Variants in TMIGD3 observed in about 807,000 individuals in gnomAD.
TMIGD3 encodes transmembrane and immunoglobulin domain containing 3.
Under a neutral mutation model 28.1 loss-of-function variants are expected in TMIGD3, and 21 were observed. The observed-to-expected ratio is 0.75, with a 90% CI of 0.53 to 1.08. The LOEUF (loss-of-function observed/expected upper bound fraction) is 1.08. Among genes scored for constraint, TMIGD3 ranks in the 50% least tolerant of loss-of-function variants. The pLI, the probability that TMIGD3 is intolerant of heterozygous loss-of-function variation, is 0.00. For missense variants in TMIGD3, 416 were observed against 435.6 expected (o/e 0.96, Z 0.40); for synonymous variants, 151 against 162.1 (o/e 0.93, Z 0.52).
chr1:111,487,664 G>A (rs993261407), intron 3 of TMIGD3, among the ~76,000 whole-genome samples: 2 of 152,164 alleles, frequency 1.3e-5, no homozygotes, highest in African/African-American at 4.8e-5. Context: ...GCCAAGAGTT[G>A]TAATTTGTTA....
intron 1 of TMIGD3, among the ~76,000 whole-genome samples, chr1:111,511,674 T>TACACAC (rs72064023): frequency 1.1e-3 from 164 of 148,916 alleles, no homozygotes; most frequent in Non-Finnish European, 1.5e-3. Flanking sequence ...TGGTGCCCTT[T>TACACAC]ACACACACAC....
intron 1 of TMIGD3, among the ~76,000 whole-genome samples, chr1:111,554,165 T>TTCTAGAAC (rs1657385330): frequency 6.6e-6 from 1 of 152,204 alleles, no homozygotes; most frequent in Admixed American, 6.5e-5. Flanking sequence ...TAGAAATAAT[T>TTCTAGAAC]ATAATGATAA....
intron 1 of TMIGD3, among the ~76,000 whole-genome samples, chr1:111,545,860 C>A (rs376275972): frequency 6.6e-6 from 1 of 152,076 alleles, no homozygotes; most frequent in Non-Finnish European, 1.5e-5. Flanking sequence ...TGTCCCAGCA[C>A]CATTTGTTGA....
In TMIGD3 at chr1:111,485,857, C is replaced by G. The variant is rs749853310; in HGVS notation, c.873-17G>C. The G allele has an allele frequency of 6.9e-6, 11 of 1,586,298 alleles. No homozygotes were observed. The highest frequency in any genetic ancestry group is 9.5e-6 in the Non-Finnish European group (11 of 1,162,206). ...ATGGACGTCCTAGAAGGAACCACAG[C>G]AGATTTCATGTTGCTTGGAAGAAAC... is the stretch of plus-strand genomic sequence containing the variant. On this transcript the variant is annotated splice_polypyrimidine_tract_variant and intron_variant, in intron 4 of 5. Coordinates refer to ENST00000369716, the MANE Select transcript of TMIGD3 (RefSeq NM_020683.7).
At chr1:111,515,566 T>C (rs1312603130) in intron 1 of TMIGD3, among the ~76,000 whole-genome samples, 1 of 152,192 alleles carries the variant, frequency 6.6e-6, no homozygotes, top group Non-Finnish European at 1.5e-5. Context: ...CCAGAGGCGA[T>C]GAGCACCGGG....
At chr1:111,526,838 C>T (rs1208564942) in intron 1 of TMIGD3, among the ~76,000 whole-genome samples, 1 of 152,168 alleles carries the variant, frequency 6.6e-6, no homozygotes, top group Non-Finnish European at 1.5e-5. Context: ...TTTCATCCCT[C>T]CCTGCCCACC....
intron 5 of TMIGD3, among the ~76,000 whole-genome samples, chr1:111,484,332 C>T (rs1361135): frequency 0.58 from 88,641 of 151,690 alleles, 25,805 homozygotes; most frequent in Middle Eastern, 0.68. Context: ...GTTGAACTAA[C>T]GAATAAAAAT....
At chr1:111,500,653 G>T in intron 1 of TMIGD3, 1 of 1,165,694 alleles carries the variant, frequency 8.6e-7, no homozygotes, top group Non-Finnish European at 1.2e-6. Flanking sequence ...GTGAGATAAG[G>T]CATATACTCT....
At chr1:111,530,609 TTTTC>T (rs1421171278) in intron 1 of TMIGD3, among the ~76,000 whole-genome samples, 1 of 152,114 alleles carries the variant, frequency 6.6e-6, no homozygotes, top group African/African-American at 2.4e-5. Context: ...TGACAAATTT[TTTTC>T]TTTCAGTACC....
At position 111,559,538 on chromosome 1, in the gene TMIGD3, C is replaced by T. The variant is rs12089593; in HGVS notation, c.107+4308G>A. 2.4e-3 allele frequency among the ~76,000 whole-genome samples: 363 copies of T among 152,224 alleles called. 2 individuals are homozygous for T. The highest frequency in any genetic ancestry group is 6.8e-3 in the African/African-American group (283 of 41,542). On this transcript the variant is annotated intron_variant, in intron 1 of 5. Coordinates refer to the TMIGD3 transcript ENST00000369717. ...AGGTAAATCATTTTTTCTCACTTTG[C>T]CTCCTTTTTCTTATCTGGAAAGGAG...
At chr1:111,514,620 T>C (rs1655798006) in intron 1 of TMIGD3, among the ~76,000 whole-genome samples, 2 of 138,968 alleles carry the variant, frequency 1.4e-5, no homozygotes, top group Admixed American at 1.5e-4. Flanking sequence ...ACTGCTAGTA[T>C]ATGAGTGTGC....
In TMIGD3 at chr1:111,485,723, C is replaced by CAAAAAAAA; in HGVS notation, c.973+16_973+17insTTTTTTTT. Reference sequence around the variant, plus strand: ...TCTAATTCTTGCCCACCCCCTCCCTCAACAATAGCTACTTACCCCTTCTAT... The same window carrying CAAAAAAAA: ...TCTAATTCTTGCCCACCCCCTCCCTCAAAAAAAAAACAATAGCTACTTACCCCTTCTAT... On this transcript the variant is annotated intron_variant, in intron 5 of 5. Coordinates refer to ENST00000369716, the MANE Select transcript of TMIGD3 (RefSeq NM_020683.7). 1.1e-5 allele frequency: 15 copies of CAAAAAAAA among 1,324,610 alleles called. No individual in the cohort carries two copies. The highest frequency in any genetic ancestry group is 1.6e-5 in the Non-Finnish European group (15 of 933,658). The allele number at this position is 1,324,610 out of a possible 1,614,324, so 82.1% of individuals were successfully genotyped here.
intron 1 of TMIGD3, chr1:111,501,387 T>A (rs546803499): frequency 6.6e-6 from 1 of 152,252 alleles, no homozygotes; most frequent in South Asian, 2.1e-4. Flanking sequence ...AGGAAACAAA[T>A]ATAGTTAAGT....
At chr1:111,550,829 T>G (rs1657227458) in intron 1 of TMIGD3, among the ~76,000 whole-genome samples, 2 of 152,260 alleles carry the variant, frequency 1.3e-5, no homozygotes, top group Admixed American at 1.3e-4. Flanking sequence ...GAACATATTT[T>G]ATGTAATTTC....
chr1:111,509,517 G>A (rs58375941), intron 1 of TMIGD3, among the ~76,000 whole-genome samples: 7,800 of 152,200 alleles, frequency 0.051, 323 homozygotes, highest in East Asian at 0.21. Flanking sequence ...TCTAAACACC[G>A]GGAGGCGTAG....
At chr1:111,552,072 C>T (rs980604016) in intron 1 of TMIGD3, among the ~76,000 whole-genome samples, 3 of 152,212 alleles carry the variant, frequency 2.0e-5, no homozygotes, top group Admixed American at 6.5e-5. Flanking sequence ...CAACTGTTAT[C>T]CATTGTCTCA....
chr1:111,501,407 T>C (rs1655166388), intron 1 of TMIGD3: 1 of 152,210 alleles, frequency 6.6e-6, no homozygotes, highest in African/African-American at 2.4e-5. Flanking sequence ...TATCAGTAGA[T>C]TTTTATCTCA....
At chr1:111,492,002 T>C (rs1654689899) in intron 1 of TMIGD3, among the ~76,000 whole-genome samples, 1 of 152,178 alleles carries the variant, frequency 6.6e-6, no homozygotes, top group Non-Finnish European at 1.5e-5. Flanking sequence ...AGTGATGGCA[T>C]GTGATTTCAG....
At chr1:111,538,593 C>T (rs1284803198) in intron 1 of TMIGD3, among the ~76,000 whole-genome samples, 1 of 152,222 alleles carries the variant, frequency 6.6e-6, no homozygotes, top group Non-Finnish European at 1.5e-5. Context: ...ACCAAGCCCA[C>T]TGAGTCTCCT....
Sources: gnomAD v4.1 joint callset for allele counts (sites outside exome capture counted in the v4.1 genomes callset) on GRCh38, gnomAD v4.1.1 for gene constraint, MANE v1.5 for transcripts, NCBI Gene and HGNC (gene_info 2026-07-23, HGNC 2026-07-21) for gene names.